Variants in TMEM26 observed in about 807,000 individuals in gnomAD.
The protein encoded by TMEM26 is transmembrane protein 26.
A neutral mutation model predicts 28.8 loss-of-function variants in TMEM26; 38 were observed. The observed-to-expected ratio is 1.32, with a 90% CI of 1.02 to 1.73. TMEM26 has a LOEUF of 1.73. TMEM26 is among the 40% of genes most tolerant of loss of function. TMEM26 has a pLI of 0.00. For synonymous variants in TMEM26, 227 were observed against 182.9 expected (o/e 1.24, Z -1.95); for missense variants, 518 against 447.1 (o/e 1.16, Z -1.43).
At chr10:61,417,428 T>C (rs1839671041) in intron 4 of TMEM26, among the ~76,000 whole-genome samples, 1 of 151,118 alleles carries the variant, frequency 6.6e-6, no homozygotes, top group South Asian at 2.1e-4. Flanking sequence ...TAAATATTCC[T>C]GTAGAAAAGA....
chr10:61,437,485 T>G (rs1381450548), intron 1 of TMEM26, among the ~76,000 whole-genome samples: 18 of 152,182 alleles, frequency 1.2e-4, no homozygotes, highest in Non-Finnish European at 1.9e-4. Context: ...ACTTTCCACA[T>G]TTATTTCTTC....
chr10:61,437,783 C>G (rs1361187636), intron 1 of TMEM26, among the ~76,000 whole-genome samples: 2 of 151,996 alleles, frequency 1.3e-5, no homozygotes, highest in African/African-American at 4.8e-5. Context: ...GACTCCGTCT[C>G]AAGAAAAAAC....
At position 61,444,646 on chromosome 10, in the gene TMEM26, C is replaced by T. The variant is rs1381681264; in HGVS notation, c.191+8245G>A. Among the ~76,000 whole-genome samples the T allele has an allele frequency of 3.1e-5, 4 of 128,944 alleles. 1 individual carries two copies. The highest frequency in any genetic ancestry group is 2.3e-4 in the Admixed American group (3 of 12,788). The allele number at this position is 128,944 out of a possible 152,430, so 84.6% of individuals were successfully genotyped here. A position where few individuals can be genotyped will look rare whatever the true frequency, so the allele number is the denominator to read the frequency against. On this transcript the variant is annotated intron_variant, in intron 1 of 5. Transcript: ENST00000399298. ...TAGCTGGTCACTTGAGTTTTACCCT[C>T]ATAATTTAAAAAAAAAAAAAAAAAA...
chr10:61,424,526 A>T (rs1839798603), intron 4 of TMEM26, among the ~76,000 whole-genome samples: 1 of 152,198 alleles, frequency 6.6e-6, no homozygotes, highest in African/African-American at 2.4e-5. Flanking sequence ...CCAAGAGCAT[A>T]GTAAGTTATT....
chr10:61,448,667 T>C (rs1333690329), intron 1 of TMEM26, among the ~76,000 whole-genome samples: 1 of 151,360 alleles, frequency 6.6e-6, no homozygotes, highest in Non-Finnish European at 1.5e-5. Flanking sequence ...CATAGTATCA[T>C]ATCATGCTTG....
In TMEM26 at chr10:61,441,794, A is replaced by G. The variant is rs143778584; in HGVS notation, c.192-5546T>C. On this transcript the variant is annotated intron_variant, in intron 1 of 5. Coordinates refer to ENST00000399298, the MANE Select transcript of TMEM26 (RefSeq NM_178505.8). ...GAAACTCAGATTTATTAGAATCCCAATTACCTGTCAGAATACCAAACTTGT... is the reference window on the plus strand; with the variant it reads ...GAAACTCAGATTTATTAGAATCCCAGTTACCTGTCAGAATACCAAACTTGT... 1.4e-4 allele frequency among the ~76,000 whole-genome samples: 21 copies of G among 152,316 alleles called. No individual in the cohort carries two copies. The East Asian group carries it at 3.9e-3, about 28-fold the overall frequency.
At chr10:61,450,230 T>C (rs1840253837) in intron 1 of TMEM26, among the ~76,000 whole-genome samples, 1 of 152,184 alleles carries the variant, frequency 6.6e-6, no homozygotes, top group Admixed American at 6.5e-5. Context: ...TATTTTTCTA[T>C]ATAGAGGTAT....
At chr10:61,429,268 C>T (rs1839883899) in intron 3 of TMEM26, 122 bp from the exon 4 acceptor site, 16 of 747,976 alleles carry the variant, frequency 2.1e-5, no homozygotes, top group South Asian at 2.0e-4. Context: ...AGGAGTTATT[C>T]TTTACTTACT....
intron 3 of TMEM26, among the ~76,000 whole-genome samples, chr10:61,430,392 GC>G (rs1336177365): frequency 6.6e-6 from 1 of 151,834 alleles, no homozygotes; most frequent in African/African-American, 2.4e-5. Flanking sequence ...TTCTGTTTTG[GC>G]CAGAAATCTT....
In TMEM26 at chr10:61,410,030, T is replaced by A; in HGVS notation, c.*292A>T. The A allele has an allele frequency of 2.8e-6, 1 of 356,172 alleles. No homozygotes were observed. The highest frequency in any genetic ancestry group is 5.1e-6 in the Non-Finnish European group (1 of 196,956). 22.1% of individuals were successfully genotyped at this position (356,172 alleles called of 1,614,324 possible). ...CTGCACCAAATCTTTCGAGGGCATG[T>A]CACTGTAACCTCTTCCATAGCTTTT... On this transcript the variant is annotated 3_prime_UTR_variant, in exon 6 of 6. Transcript: ENST00000399298.
intron 1 of TMEM26, among the ~76,000 whole-genome samples, chr10:61,450,085 A>T (rs1001199622): frequency 6.6e-6 from 1 of 152,142 alleles, no homozygotes; most frequent in Non-Finnish European, 1.5e-5. Context: ...CTTTCCACAA[A>T]CAAGATGGAT....
At chr10:61,413,317 T>C in intron 5 of TMEM26, 142 bp downstream of exon 5, 1 of 1,402,092 alleles carries the variant, frequency 7.1e-7, no homozygotes, top group Non-Finnish European at 9.4e-7. Flanking sequence ...TAAGTTTCAA[T>C]CTACTTTCCT....
At chr10:61,451,916 G>A (rs939974677) in intron 1 of TMEM26, among the ~76,000 whole-genome samples, 2 of 151,982 alleles carry the variant, frequency 1.3e-5, no homozygotes, top group Non-Finnish European at 2.9e-5. Flanking sequence ...TAATGCCATT[G>A]TGTATGTAAT....
Position 61,429,123 on chromosome 10 carries a change from T to C in TMEM26, c.408A>G (p.Leu136=), listed in dbSNP as rs781698300. The C allele has an allele frequency of 1.2e-6, 2 of 1,612,982 alleles. No homozygotes were observed. The highest frequency in any genetic ancestry group is 2.2e-5 in the South Asian group (2 of 91,060). Residue 136 remains leucine (L), a synonymous_variant, in exon 4 of 6, where the codon TTA becomes TTG. Coordinates refer to ENST00000399298, the MANE Select transcript of TMEM26 (RefSeq NM_178505.8). ...TCCAAACTTTCTCACATACTGTAGATAAGTTATTCACAAAAACTTTGGCCT... is the reference window on the plus strand; with the variant it reads ...TCCAAACTTTCTCACATACTGTAGACAAGTTATTCACAAAAACTTTGGCCT... ...IETAKVFVNN[L]STVCEKVWTL...
intron 4 of TMEM26, among the ~76,000 whole-genome samples, chr10:61,423,286 C>T (rs1269913765): frequency 6.6e-6 from 1 of 152,048 alleles, no homozygotes; most frequent in African/African-American, 2.4e-5. Context: ...AGAAATAAGA[C>T]CAAACCTATG....
At chr10:61,433,073 T>A (rs1378773532) in intron 2 of TMEM26, among the ~76,000 whole-genome samples, 1 of 152,186 alleles carries the variant, frequency 6.6e-6, no homozygotes, top group African/African-American at 2.4e-5. Context: ...AATGGCGACC[T>A]TAATATGTTT....
chr10:61,442,500 A>C (rs1024292132), intron 1 of TMEM26, among the ~76,000 whole-genome samples: 2 of 152,200 alleles, frequency 1.3e-5, no homozygotes, highest in African/African-American at 2.4e-5. Context: ...AAGTGAAGCA[A>C]AAATAATATT....
chr10:61,428,812 A>G (rs1205863089), intron 4 of TMEM26, 114 bp downstream of exon 4: 1 of 866,376 alleles, frequency 1.2e-6, no homozygotes, highest in Admixed American at 2.4e-5. Context: ...CTAACGTTGC[A>G]TATAAAATAT....
intron 1 of TMEM26, among the ~76,000 whole-genome samples, chr10:61,438,724 G>C (rs1840045985): frequency 1.3e-5 from 2 of 152,148 alleles, no homozygotes. Flanking sequence ...GTTTTGTGTT[G>C]CCTAATAGAA....
Sources: allele counts gnomAD v4.1 joint callset (sites outside exome capture counted in the v4.1 genomes callset), GRCh38; gene constraint gnomAD v4.1.1; transcripts MANE v1.5; gene names NCBI Gene and HGNC (gene_info 2026-07-23, HGNC 2026-07-21).